Variants in MCTP1 observed in about 807,000 individuals in gnomAD.
MCTP1 encodes the protein multiple C2 and transmembrane domain containing 1, also known as multiple C2 and transmembrane domain-containing protein 1.
A neutral mutation model predicts 120.6 loss-of-function variants in MCTP1; 69 were observed. That is an observed-to-expected ratio of 0.57 (90% CI 0.47 to 0.70). The LOEUF is 0.70. MCTP1 is among the 30% of genes least tolerant of loss of function. The pLI is 0.00. For missense variants in MCTP1, 1,203 were observed against 1,248.8 expected (o/e 0.96, Z 0.55); for synonymous variants, 529 against 493.1 (o/e 1.07, Z -0.96).
chr5:95,241,590 G>A (rs991397152), intron 1 of MCTP1, among the ~76,000 whole-genome samples: 1 of 152,102 alleles, frequency 6.6e-6, no homozygotes, highest in African/African-American at 2.4e-5. Context: ...CTTACATTAG[G>A]CTGTTAGCAA....
intron 1 of MCTP1, among the ~76,000 whole-genome samples, chr5:95,194,809 C>A (rs1357519431): frequency 6.6e-6 from 1 of 152,130 alleles, no homozygotes; most frequent in African/African-American, 2.4e-5. Flanking sequence ...TACAATGGAA[C>A]CTTCCAAACA....
At chr5:94,942,454 G>C (rs1324307106) in intron 3 of MCTP1, 27 bp from the exon 4 acceptor site, 1 of 1,497,574 alleles carries the variant, frequency 6.7e-7, no homozygotes, top group Non-Finnish European at 9.3e-7. Context: ...AAAAAGCCTT[G>C]TTATAAATAT....
chr5:94,962,137 A>G (rs887437944), intron 2 of MCTP1, among the ~76,000 whole-genome samples: 2 of 152,140 alleles, frequency 1.3e-5, no homozygotes, highest in African/African-American at 2.4e-5. Context: ...ATAATAAAAA[A>G]AAAGAAATAG....
At chr5:94,707,677 A>G in intron 22 of MCTP1, 110 bp from the exon 23 acceptor site, 2 of 773,182 alleles carry the variant, frequency 2.6e-6, no homozygotes, top group Non-Finnish European at 2.3e-6. Flanking sequence ...TGCTCACTCT[A>G]GAAGCTGTAT....
rs115277498 is a variant in MCTP1 at position 94,761,562 on chromosome 5, A to G, written c.2610+17548T>C. Among the ~76,000 whole-genome samples, 1,502 of 152,330 alleles carry G rather than the reference A, an allele frequency of 9.9e-3. 26 individuals are homozygous for G. The highest frequency in any genetic ancestry group is 0.034 in the African/African-American group (1,419 of 41,572). On this transcript the variant is annotated intron_variant, in intron 19 of 22. Transcript: ENST00000515393. ...TTTTGAGATAACTTAATCCAGTACC[A>G]TGTGCTGATAAATCTTGGATAAAGA...
At chr5:95,277,413 G>A (rs1485033913) in intron 1 of MCTP1, among the ~76,000 whole-genome samples, 3 of 152,198 alleles carry the variant, frequency 2.0e-5, no homozygotes, top group Non-Finnish European at 4.4e-5. Flanking sequence ...AAATATATCT[G>A]CCAGGCTTAA....
intron 2 of MCTP1, among the ~76,000 whole-genome samples, chr5:94,977,054 T>A (rs549535910): frequency 6.6e-6 from 1 of 152,132 alleles, no homozygotes; most frequent in Non-Finnish European, 1.5e-5. Context: ...GCAGATGATG[T>A]CATCTTACAC....
At chr5:95,163,998 A>G (rs570359768) in intron 1 of MCTP1, among the ~76,000 whole-genome samples, 8 of 152,078 alleles carry the variant, frequency 5.3e-5, no homozygotes, top group Middle Eastern at 3.2e-3. Flanking sequence ...ATTTTCTCCA[A>G]TTGGTAATTA....
At chr5:94,744,008 T>C (rs1032367084) in intron 19 of MCTP1, among the ~76,000 whole-genome samples, 3 of 152,128 alleles carry the variant, frequency 2.0e-5, no homozygotes, top group African/African-American at 7.2e-5. Context: ...TGTGGCTCCA[T>C]CACCCAAGGT....
intron 3 of MCTP1, among the ~76,000 whole-genome samples, chr5:94,948,390 C>T (rs1819641095): frequency 6.6e-6 from 1 of 152,120 alleles, no homozygotes; most frequent in Admixed American, 6.6e-5. Context: ...TCAATAACTT[C>T]CCATATTCTT....
rs1053467252 is a variant in MCTP1 at position 94,917,981 on chromosome 5, G to A, written c.1273-8C>T. 6.2e-7 allele frequency: 1 copy of A among 1,611,954 alleles called. No individual in the cohort carries two copies. The highest frequency in any genetic ancestry group is 1.3e-5 in the African/African-American group (1 of 74,880). The stretch of plus-strand genomic sequence containing the variant: ...AGCTGGCCTGCCGCACGTCTGGATG[G>A]AAATGAATGATCAGAGCTGTACGGG... On this transcript the variant is annotated splice_polypyrimidine_tract_variant and splice_region_variant and intron_variant, in intron 7 of 22. Transcript: ENST00000515393.
chr5:94,960,707 TA>T lies in MCTP1; in HGVS notation c.839-7347del, dbSNP rs1193294271. Reference sequence around the variant, plus strand: ...GTCATTAGAGAAATGTAATACAAATTAAAACCCCAATGACACACCATGTCAC... The same window carrying T: ...GTCATTAGAGAAATGTAATACAAATTAAACCCCAATGACACACCATGTCAC... On this transcript the variant is annotated intron_variant, in intron 2 of 22. Transcript: ENST00000515393. Among the ~76,000 whole-genome samples the T allele has an allele frequency of 3.2e-4, 49 of 151,788 alleles. No homozygotes were observed. The Middle Eastern group carries it at 0.01, about 32-fold the overall frequency.
At chr5:94,718,826 TCTC>T (rs1267365856) in intron 19 of MCTP1, among the ~76,000 whole-genome samples, 1 of 152,128 alleles carries the variant, frequency 6.6e-6, no homozygotes, top group Non-Finnish European at 1.5e-5. Context: ...TTCAAGCAAT[TCTC>T]CTGCCTCAGC....
chr5:94,827,463 C>A (rs1409768701), intron 17 of MCTP1, among the ~76,000 whole-genome samples: 1 of 152,074 alleles, frequency 6.6e-6, no homozygotes, highest in South Asian at 2.1e-4. Context: ...TTGCTCTTCT[C>A]GAGGAGTATC....
At chr5:94,991,749 C>A (rs1050255857) in intron 2 of MCTP1, among the ~76,000 whole-genome samples, 1 of 151,716 alleles carries the variant, frequency 6.6e-6, no homozygotes, top group Admixed American at 6.6e-5. Flanking sequence ...TGGTGGCGGG[C>A]GCCTGTAATC....
At chr5:95,277,009 G>C (rs1178556008) in intron 1 of MCTP1, among the ~76,000 whole-genome samples, 5 of 152,082 alleles carry the variant, frequency 3.3e-5, no homozygotes, top group Non-Finnish European at 7.4e-5. Context: ...GGGTCAAGGA[G>C]AAGTAGCAGT....
At chr5:94,892,618 A>G (rs2153397590) in intron 11 of MCTP1, among the ~76,000 whole-genome samples, 1 of 152,292 alleles carries the variant, frequency 6.6e-6, no homozygotes, top group Admixed American at 6.5e-5. Context: ...AATCCTTAGC[A>G]ATGAACAGCT....
intron 5 of MCTP1, among the ~76,000 whole-genome samples, chr5:94,936,643 T>C (rs1816268240): frequency 6.6e-6 from 1 of 152,118 alleles, no homozygotes; most frequent in Non-Finnish European, 1.5e-5. Flanking sequence ...TACAAATGGT[T>C]CTTATTTTGA....
At chr5:94,737,322 A>G (rs571684718) in intron 19 of MCTP1, among the ~76,000 whole-genome samples, 1 of 152,320 alleles carries the variant, frequency 6.6e-6, no homozygotes, top group South Asian at 2.1e-4. Context: ...GGTAGTATCT[A>G]ACATATTGGG....
Sources: gnomAD v4.1 joint callset for allele counts (sites outside exome capture counted in the v4.1 genomes callset) on GRCh38, gnomAD v4.1.1 for gene constraint, MANE v1.5 for transcripts, NCBI Gene and HGNC (gene_info 2026-07-23, HGNC 2026-07-21) for gene names.